ADAMTSL1: variants seen among roughly 807,000 people sequenced by gnomAD.
ADAMTSL1 encodes the protein ADAMTS-like protein 1.
A neutral mutation model predicts 201.8 loss-of-function variants in ADAMTSL1; 126 were observed. The observed-to-expected ratio is 0.62, with a 90% CI of 0.54 to 0.72. The LOEUF is 0.72. Ranked by LOEUF, ADAMTSL1 falls within the 30% of genes least tolerant of loss-of-function variation. The probability of loss-of-function intolerance (pLI) is 0.00; values close to 1 mark genes in which losing one functional copy is unlikely to be tolerated. For missense variants in ADAMTSL1, 2,679 were observed against 2,277.8 expected (o/e 1.18, Z -3.59); for synonymous variants, 1,121 against 903.4 (o/e 1.24, Z -4.32).
chr9:18,320,453 C>A (rs1307550776), intron 2 of ADAMTSL1, among the ~76,000 whole-genome samples: 1 of 152,124 alleles, frequency 6.6e-6, no homozygotes, highest in Admixed American at 6.5e-5. Context: ...AACACATTAT[C>A]AGATAAAGGA....
At chr9:18,302,896 G>T (rs538544947) in intron 2 of ADAMTSL1, among the ~76,000 whole-genome samples, 1 of 152,278 alleles carries the variant, frequency 6.6e-6, no homozygotes, top group Admixed American at 6.5e-5. Flanking sequence ...TGAGTGCATG[G>T]TGTATATGGG....
chr9:18,190,436 T>G (rs4961627), intron 2 of ADAMTSL1, among the ~76,000 whole-genome samples: 29 of 152,162 alleles, frequency 1.9e-4, no homozygotes, highest in African/African-American at 6.3e-4. Context: ...CACACTCTTG[T>G]ACTTTAAACA....
At chr9:18,834,025 C>G (rs1376021384) in intron 23 of ADAMTSL1, among the ~76,000 whole-genome samples, 1 of 152,128 alleles carries the variant, frequency 6.6e-6, no homozygotes, top group East Asian at 1.9e-4. Flanking sequence ...TCTGGGTTCT[C>G]TATTCTGTTC....
intron 1 of ADAMTSL1, among the ~76,000 whole-genome samples, chr9:18,066,162 C>G (rs1402552838): frequency 1.3e-5 from 2 of 152,018 alleles, no homozygotes; most frequent in Non-Finnish European, 2.9e-5. Flanking sequence ...ATCCCGAAAA[C>G]AATTTGAGTA....
intron 1 of ADAMTSL1, among the ~76,000 whole-genome samples, chr9:18,134,446 G>A (rs932700214): frequency 2.6e-5 from 4 of 152,174 alleles, no homozygotes; most frequent in African/African-American, 9.7e-5. Context: ...AGTAGAGACT[G>A]ACTTAGCTAC....
chr9:18,059,780 A>C (rs998437421), intron 1 of ADAMTSL1, among the ~76,000 whole-genome samples: 1 of 152,148 alleles, frequency 6.6e-6, no homozygotes, highest in African/African-American at 2.4e-5. Context: ...ACCTCATTAA[A>C]TTTTGAAACA....
chr9:18,135,198 T>TA (rs1019766421), intron 1 of ADAMTSL1, among the ~76,000 whole-genome samples: 1 of 152,064 alleles, frequency 6.6e-6, no homozygotes, highest in African/African-American at 2.4e-5. Flanking sequence ...TCTAGTTAAG[T>TA]AAAAAACATA....
chr9:18,571,357 T>G (rs1438565245), intron 3 of ADAMTSL1, among the ~76,000 whole-genome samples: 15 of 152,154 alleles, frequency 9.9e-5, no homozygotes, highest in Admixed American at 9.8e-4. Context: ...AAAGGAAATT[T>G]TAAGAGGAGT....
intron 19 of ADAMTSL1, among the ~76,000 whole-genome samples, chr9:18,790,916 T>C (rs915781949): frequency 1.3e-5 from 2 of 152,190 alleles, no homozygotes; most frequent in Admixed American, 6.5e-5. Flanking sequence ...GTCTTAATTG[T>C]ACCCATTCTA....
At chr9:17,940,813 A>ACAC (rs57863954) in intron 1 of ADAMTSL1, among the ~76,000 whole-genome samples, 760 of 68,288 alleles carry the variant, frequency 0.011, 49 homozygotes, top group African/African-American at 0.038. Context: ...CCCCCCCCCC[A>ACAC]AAAAAAAGAA....
chr9:18,338,991 T>C lies in ADAMTSL1; in HGVS notation c.208-165838T>C, dbSNP rs532979742. On this transcript the variant is annotated intron_variant, in intron 2 of 29. Transcript: ENST00000680146. ...TGGCTACATAGGATTCCATTGTCTA[T>C]ACGTACCACCTTTTAAAAATCCAGT... 4.6e-5 allele frequency among the ~76,000 whole-genome samples: 7 copies of C among 152,306 alleles called. No individual in the cohort carries two copies. The East Asian group carries it at 1.2e-3, about 25-fold the overall frequency.
intron 2 of ADAMTSL1, among the ~76,000 whole-genome samples, chr9:18,185,751 T>A (rs796604582): frequency 6.6e-6 from 1 of 152,172 alleles, no homozygotes; most frequent in Non-Finnish European, 1.5e-5. Flanking sequence ...GAAAGCATAA[T>A]TGAGTAACAA....
At chr9:18,889,514 A>T in intron 24 of ADAMTSL1, 54 bp from the exon 25 acceptor site, 1 of 1,577,590 alleles carries the variant, frequency 6.3e-7, no homozygotes. Context: ...AGGAATTCAG[A>T]GTGTGGGCAA....
chr9:18,764,183 A>C (rs915996972), intron 16 of ADAMTSL1, among the ~76,000 whole-genome samples: 3 of 152,144 alleles, frequency 2.0e-5, no homozygotes, highest in Admixed American at 2.0e-4. Context: ...TCAGTGTCTT[A>C]AACTTTTCAT....
chr9:18,686,271 A>G (rs997652227), intron 13 of ADAMTSL1, among the ~76,000 whole-genome samples: 1 of 152,196 alleles, frequency 6.6e-6, no homozygotes, highest in Non-Finnish European at 1.5e-5. Flanking sequence ...AACATAAATT[A>G]TTTCTGTACT....
At chr9:18,502,984 C>T (rs1039449914) in intron 1 of ADAMTSL1, among the ~76,000 whole-genome samples, 3 of 151,882 alleles carry the variant, frequency 2.0e-5, no homozygotes, top group Non-Finnish European at 4.4e-5. Context: ...ATTATTTAGG[C>T]CCTATGTACT....
intron 1 of ADAMTSL1, among the ~76,000 whole-genome samples, chr9:18,105,790 A>G (rs982248021): frequency 2.0e-5 from 3 of 152,166 alleles, no homozygotes; most frequent in Non-Finnish European, 2.9e-5. Context: ...TTGCATAGTC[A>G]TTTTTCCTTT....
intron 2 of ADAMTSL1, among the ~76,000 whole-genome samples, chr9:18,530,025 A>G (rs1010973625): frequency 2.6e-5 from 4 of 152,128 alleles, no homozygotes; most frequent in African/African-American, 7.2e-5. Flanking sequence ...TTGTGTAGGT[A>G]TTTGCAGGTT....
intron 1 of ADAMTSL1, among the ~76,000 whole-genome samples, chr9:17,942,919 T>C (rs1476070988): frequency 1.3e-5 from 2 of 152,134 alleles, no homozygotes; most frequent in African/African-American, 4.8e-5. Context: ...ATGTAACTTC[T>C]TTTTTTGTTG....
Sources: allele counts gnomAD v4.1 joint callset (sites outside exome capture counted in the v4.1 genomes callset), GRCh38; gene constraint gnomAD v4.1.1; transcripts MANE v1.5; gene names NCBI Gene and HGNC (gene_info 2026-07-23, HGNC 2026-07-21).